KCNB2: variants seen among roughly 807,000 people sequenced by gnomAD.
KCNB2 encodes delayed rectifier potassium channel protein.
A neutral mutation model predicts 61.5 loss-of-function variants in KCNB2; 15 were observed. The observed-to-expected ratio is 0.24, with a 90% CI of 0.16 to 0.38. The LOEUF (loss-of-function observed/expected upper bound fraction) is 0.38, where lower values mean the gene tolerates loss of function less well. KCNB2 is among the 10% of genes least tolerant of loss of function. KCNB2 has a pLI of 1.00. For synonymous variants in KCNB2, 457 were observed against 446.0 expected (o/e 1.02, Z -0.31); for missense variants, 828 against 1,125.2 (o/e 0.74, Z 3.78).
intron 2 of KCNB2, among the ~76,000 whole-genome samples, chr8:72,638,474 C>A (rs935302651): frequency 2.6e-5 from 4 of 152,142 alleles, no homozygotes; most frequent in Non-Finnish European, 5.9e-5. Context: ...ACATGATGAT[C>A]TGTTCTTCAC....
At chr8:72,691,665 C>A (rs1166728386) in intron 2 of KCNB2, among the ~76,000 whole-genome samples, 1 of 152,154 alleles carries the variant, frequency 6.6e-6, no homozygotes, top group East Asian at 1.9e-4. Flanking sequence ...TCTTGACTTT[C>A]CAAGGCTAAT....
chr8:72,738,126 T>G (rs1807881686), intron 2 of KCNB2, among the ~76,000 whole-genome samples: 1 of 152,170 alleles, frequency 6.6e-6, no homozygotes, highest in Admixed American at 6.6e-5. Flanking sequence ...GAGATGGGGT[T>G]TGGGTAGCCA....
intron 2 of KCNB2, among the ~76,000 whole-genome samples, chr8:72,892,438 C>G (rs1805912713): frequency 1.3e-5 from 2 of 152,192 alleles, no homozygotes; most frequent in African/African-American, 2.4e-5. Flanking sequence ...CTACTTCATC[C>G]TTTTTTCCCA....
chr8:72,545,651 TAC>T (rs1348188388), intron 1 of KCNB2, among the ~76,000 whole-genome samples: 1 of 152,048 alleles, frequency 6.6e-6, no homozygotes, highest in Non-Finnish European at 1.5e-5. Flanking sequence ...TTAATAACCC[TAC>T]AATGACCTTT....
intron 2 of KCNB2, among the ~76,000 whole-genome samples, chr8:72,900,143 A>G (rs932902270): frequency 2.6e-5 from 4 of 152,304 alleles, no homozygotes; most frequent in African/African-American, 9.6e-5. Context: ...TGATACAAAA[A>G]CAGACACATA....
At chr8:72,798,807 C>T (rs1197681205) in intron 2 of KCNB2, among the ~76,000 whole-genome samples, 4 of 152,070 alleles carry the variant, frequency 2.6e-5, no homozygotes, top group Admixed American at 6.6e-5. Flanking sequence ...ACGAAAAGCC[C>T]GATTCCTTTA....
intron 1 of KCNB2, among the ~76,000 whole-genome samples, chr8:72,551,693 T>C (rs1364323410): frequency 2.0e-5 from 3 of 152,172 alleles, no homozygotes; most frequent in Non-Finnish European, 2.9e-5. Context: ...TGATTCGTTA[T>C]GGCACTTACC....
chr8:72,599,766 C>G (rs1807261627), intron 2 of KCNB2, among the ~76,000 whole-genome samples: 1 of 151,928 alleles, frequency 6.6e-6, no homozygotes, highest in Non-Finnish European at 1.5e-5. Context: ...AACAAACAAC[C>G]CCATCAAAAA....
At chr8:72,864,200 G>C (rs1563408428) in intron 2 of KCNB2, among the ~76,000 whole-genome samples, 1 of 152,120 alleles carries the variant, frequency 6.6e-6, no homozygotes, top group Non-Finnish European at 1.5e-5. Flanking sequence ...CCAAGGCAAA[G>C]GATCAGAGCT....
intron 2 of KCNB2, among the ~76,000 whole-genome samples, chr8:72,620,819 G>C (rs1257866643): frequency 6.6e-6 from 1 of 152,014 alleles, no homozygotes. Flanking sequence ...CGTTGGCCAG[G>C]CTGGTCTCAA....
chr8:72,886,469 G>A (rs1437345057), intron 2 of KCNB2, among the ~76,000 whole-genome samples: 1 of 152,260 alleles, frequency 6.6e-6, no homozygotes, highest in Non-Finnish European at 1.5e-5. Context: ...TACTTAGAAA[G>A]ATTTCCTCTT....
At chr8:72,700,789 A>C (rs761024205) in intron 2 of KCNB2, among the ~76,000 whole-genome samples, 7 of 152,196 alleles carry the variant, frequency 4.6e-5, no homozygotes, top group Non-Finnish European at 8.8e-5. Flanking sequence ...GTACTCACAC[A>C]TTCATTGTAA....
At position 72,818,201 on chromosome 8, in the gene KCNB2, A is replaced by T. The variant is rs561496593; in HGVS notation, c.580-117734A>T. On this transcript the variant is annotated intron_variant, in intron 2 of 2. Transcript: ENST00000523207. ...ACAACAACAAAATCTTTAAAGAAAA[A>T]AATTATGGCCTATCACCCTAGTATG... 8.5e-5 allele frequency among the ~76,000 whole-genome samples: 13 copies of T among 152,278 alleles called. No homozygotes were observed. The East Asian group carries it at 2.5e-3, about 29-fold the overall frequency.
chr8:72,897,437 T>C (rs1299958563), intron 2 of KCNB2, among the ~76,000 whole-genome samples: 2 of 152,118 alleles, frequency 1.3e-5, no homozygotes, highest in Admixed American at 1.3e-4. Context: ...ATTTGAAATA[T>C]AAATCATCTT....
chr8:72,684,639 C>T (rs1219385955), intron 2 of KCNB2, among the ~76,000 whole-genome samples: 3 of 151,982 alleles, frequency 2.0e-5, no homozygotes, highest in Non-Finnish European at 4.4e-5. Context: ...GTAAATAAAG[C>T]CCTAGTATAG....
At chr8:72,722,176 T>C (rs1807561835) in intron 2 of KCNB2, among the ~76,000 whole-genome samples, 1 of 152,222 alleles carries the variant, frequency 6.6e-6, no homozygotes, top group Non-Finnish European at 1.5e-5. Flanking sequence ...CAGGCTATCC[T>C]GGTGGCCAAC....
Position 72,857,733 on chromosome 8 carries a change from C to T in KCNB2, c.580-78202C>T, listed in dbSNP as rs112086613. Among the ~76,000 whole-genome samples, 444 of 152,212 alleles carry T rather than the reference C, an allele frequency of 2.9e-3. 4 individuals carry two copies. Among genetic ancestry groups the T allele is most frequent in the African/African-American group, 7.8e-3 (323 of 41,536 alleles). On this transcript the variant is annotated intron_variant, in intron 2 of 2. Coordinates refer to ENST00000523207, the MANE Select transcript of KCNB2 (RefSeq NM_004770.3). ...ACAATAGATCAAAACTGCATTTGAA[C>T]CAATGATCATGATGCAATAACCTTG...
At chr8:72,661,932 C>G (rs1355889884) in intron 2 of KCNB2, among the ~76,000 whole-genome samples, 1 of 152,072 alleles carries the variant, frequency 6.6e-6, no homozygotes, top group Non-Finnish European at 1.5e-5. Context: ...GTTTTGTTTT[C>G]TTTTCTTTCT....
At chr8:72,622,937 T>G (rs1805734520) in intron 2 of KCNB2, among the ~76,000 whole-genome samples, 1 of 152,150 alleles carries the variant, frequency 6.6e-6, no homozygotes, top group Admixed American at 6.5e-5. Context: ...GCCATGTGGT[T>G]TTATTCAAGA....
Sources: allele counts gnomAD v4.1 joint callset (sites outside exome capture counted in the v4.1 genomes callset), GRCh38; gene constraint gnomAD v4.1.1; transcripts MANE v1.5; gene names NCBI Gene and HGNC (gene_info 2026-07-23, HGNC 2026-07-21).